STIL: variants seen among roughly 807,000 people sequenced by gnomAD.
STIL encodes SCL-interrupting locus protein.
Under a neutral mutation model 110.1 loss-of-function variants are expected in STIL, and 55 were observed. The ratio of observed to expected loss-of-function variants is 0.50; its 90% CI spans 0.40 to 0.63. The LOEUF (loss-of-function observed/expected upper bound fraction) is 0.63. STIL is among the 20% of genes least tolerant of loss of function. The pLI is 0.00. For missense variants in STIL, 1,358 were observed against 1,530.0 expected (o/e 0.89, Z 1.87); for synonymous variants, 481 against 530.0 (o/e 0.91, Z 1.27).
At chr1:47,262,573 C>A (rs905516941) in intron 15 of STIL, among the ~76,000 whole-genome samples, 2 of 152,140 alleles carry the variant, frequency 1.3e-5, no homozygotes, top group African/African-American at 4.8e-5. Flanking sequence ...TAAATGTTAT[C>A]ATAAATATCC....
Position 47,302,319 on chromosome 1 carries a change from C to A in STIL, c.180G>T (p.Lys60Asn), listed in dbSNP as rs766268837. The A allele has an allele frequency of 1.2e-6, 2 of 1,614,080 alleles. No individual in the cohort carries two copies. The highest frequency in any genetic ancestry group is 1.1e-5 in the South Asian group (1 of 91,068). ...YRNPKLVVTE[K>N]TIRLAYRHAK... ...CATGACGATAAGCAAGTCGGATGGTCTTCTCAGTCACCACAAGCTTTGGAT... is the reference window on the plus strand; with the variant it reads ...CATGACGATAAGCAAGTCGGATGGTATTCTCAGTCACCACAAGCTTTGGAT... Residue 60 changes from lysine (K) to asparagine (N), a missense_variant, in exon 4 of 17, where the codon AAG (lysine) becomes AAT (asparagine). By Grantham distance (94) the Lys-to-Asn change is moderately conservative. Coordinates refer to ENST00000371877, the MANE Select transcript of STIL (RefSeq NM_001048166.1).
intron 7 of STIL, among the ~76,000 whole-genome samples, chr1:47,295,080 C>G (rs1032953598): frequency 2.0e-5 from 3 of 151,956 alleles, no homozygotes; most frequent in Non-Finnish European, 1.5e-5. Context: ...CACCACCATG[C>G]CTGGCTAATT....
intron 3 of STIL, 40 bp from the exon 4 acceptor site, chr1:47,302,386 A>C: frequency 6.8e-7 from 1 of 1,468,848 alleles, no homozygotes; most frequent in Non-Finnish European, 9.5e-7. Flanking sequence ...GGTAGACCTC[A>C]TATCTTAAAA....
At chr1:47,297,603 G>A (rs1645679361) in intron 6 of STIL, among the ~76,000 whole-genome samples, 1 of 151,892 alleles carries the variant, frequency 6.6e-6, no homozygotes, top group South Asian at 2.1e-4. Context: ...TAATGATGGG[G>A]TCTCACTACA....
chr1:47,269,525 TA>T, intron 14 of STIL, 109 bp downstream of exon 14: 1 of 766,550 alleles, frequency 1.3e-6, no homozygotes, highest in Non-Finnish European at 2.2e-6. Context: ...TTCCATACTG[TA>T]AACATGCATC....
At chr1:47,303,165 T>A (rs990912040) in intron 3 of STIL, among the ~76,000 whole-genome samples, 1 of 152,356 alleles carries the variant, frequency 6.6e-6, no homozygotes, top group Non-Finnish European at 1.5e-5. Flanking sequence ...ATAAGTTATA[T>A]AATTAACTGG....
chr1:47,308,073 C>T (rs1019914665), intron 2 of STIL, among the ~76,000 whole-genome samples: 2 of 152,220 alleles, frequency 1.3e-5, no homozygotes, highest in African/African-American at 2.4e-5. Flanking sequence ...AATTTCGCCT[C>T]AGTCCTGTGG....
chr1:47,269,989 C>T (rs1434438875), intron 13 of STIL, 123 bp from the exon 14 acceptor site: 1 of 894,368 alleles, frequency 1.1e-6, no homozygotes, highest in East Asian at 2.6e-5. Flanking sequence ...ATAATCCCAA[C>T]ACTTTGAGAG....
intron 5 of STIL, 107 bp from the exon 6 acceptor site, chr1:47,300,259 AAAATT>A (rs1645765349): frequency 1.8e-6 from 2 of 1,103,360 alleles, no homozygotes; most frequent in African/African-American, 3.2e-5. Flanking sequence ...TTGCACAAAT[AAAATT>A]AAATGAGTTC....
chr1:47,264,434 T>A (rs1644577465), intron 14 of STIL, among the ~76,000 whole-genome samples: 4 of 152,144 alleles, frequency 2.6e-5, no homozygotes, highest in African/African-American at 9.6e-5. Flanking sequence ...AATTTTAAAA[T>A]GCTTCTAATA....
chr1:47,250,858 G>A lies in STIL; in HGVS notation c.*278C>T, dbSNP rs1333617817. Reference sequence around the variant, plus strand: ...AGTATAAAAGAGCAGTTGAGACTTAGAGCTGGATAGTATCTGTCTACTACT... The same window carrying A: ...AGTATAAAAGAGCAGTTGAGACTTAAAGCTGGATAGTATCTGTCTACTACT... On this transcript the variant is annotated 3_prime_UTR_variant, in exon 17 of 17. Coordinates refer to ENST00000371877, the MANE Select transcript of STIL (RefSeq NM_001048166.1). 1 of 370,316 alleles carries A rather than the reference G, an allele frequency of 2.7e-6. No homozygotes were observed. The highest frequency in any genetic ancestry group is 4.9e-6 in the Non-Finnish European group (1 of 205,096). 22.9% of individuals were successfully genotyped at this position (370,316 alleles called of 1,614,324 possible).
intron 16 of STIL, among the ~76,000 whole-genome samples, chr1:47,258,016 T>A (rs1199887366): frequency 6.6e-6 from 1 of 152,230 alleles, no homozygotes; most frequent in Non-Finnish European, 1.5e-5. Context: ...TTTTGTATCA[T>A]TTTACCTTAG....
At chr1:47,312,809 C>T (rs1557785056) in intron 1 of STIL, 1 of 149,514 alleles carries the variant, frequency 6.7e-6, no homozygotes, top group Non-Finnish European at 1.5e-5. Flanking sequence ...AACCACACAA[C>T]ATCTACACCT....
intron 13 of STIL, among the ~76,000 whole-genome samples, chr1:47,270,075 A>G (rs976168756): frequency 6.6e-5 from 10 of 151,596 alleles, no homozygotes; most frequent in African/African-American, 9.7e-5. Flanking sequence ...TGTCTCTACA[A>G]AAAAAATACA....
chr1:47,295,551 G>A (rs1478973782), intron 7 of STIL, among the ~76,000 whole-genome samples: 1 of 152,074 alleles, frequency 6.6e-6, no homozygotes, highest in Non-Finnish European at 1.5e-5. Context: ...CTGCACTCCA[G>A]TCTGGGCACA....
At position 47,291,276 on chromosome 1, in the gene STIL, G is replaced by A. The variant is rs530306346; in HGVS notation, c.873-1691C>T. ...CTCAGGAGGCTGAGGCAGGAGAAACGCTTGAACCCAGGAGGTGGAGGTTTC... is the reference window on the plus strand; with the variant it reads ...CTCAGGAGGCTGAGGCAGGAGAAACACTTGAACCCAGGAGGTGGAGGTTTC... On this transcript the variant is annotated intron_variant, in intron 8 of 16. Coordinates refer to ENST00000371877, the MANE Select transcript of STIL (RefSeq NM_001048166.1). Among the ~76,000 whole-genome samples, 48 of 152,194 alleles carry A rather than the reference G, an allele frequency of 3.2e-4. No homozygotes were observed. In the East Asian group the frequency reaches 6.6e-3, roughly 21 times the overall value.
At chr1:47,255,031 C>T (rs1357855451) in intron 16 of STIL, among the ~76,000 whole-genome samples, 2 of 152,076 alleles carry the variant, frequency 1.3e-5, no homozygotes, top group African/African-American at 2.4e-5. Flanking sequence ...GGTATGCACA[C>T]CTGTAGTCCT....
chr1:47,297,944 T>G (rs957647072), intron 6 of STIL, among the ~76,000 whole-genome samples: 7 of 152,168 alleles, frequency 4.6e-5, no homozygotes, highest in African/African-American at 1.7e-4. Context: ...ACAAATTAAT[T>G]TTTTTGTTAA....
At chr1:47,260,106 T>C (rs909329922) in intron 16 of STIL, among the ~76,000 whole-genome samples, 183 bp downstream of exon 16, 2 of 152,348 alleles carry the variant, frequency 1.3e-5, no homozygotes, top group African/African-American at 4.8e-5. Context: ...TTATTCATCA[T>C]GCATATGGTA....
Sources: allele counts gnomAD v4.1 joint callset (sites outside exome capture counted in the v4.1 genomes callset), GRCh38; gene constraint gnomAD v4.1.1; transcripts MANE v1.5; gene names NCBI Gene and HGNC (gene_info 2026-07-23, HGNC 2026-07-21).